Variants in STIMATE observed in about 807,000 individuals in gnomAD.
STIMATE encodes the protein store-operated calcium entry regulator STIMATE.
Under a neutral mutation model 36.7 loss-of-function variants are expected in STIMATE, and 15 were observed. The ratio of observed to expected loss-of-function variants is 0.41; its 90% CI spans 0.27 to 0.63. The LOEUF is 0.63. STIMATE is among the 20% of genes least tolerant of loss of function. The probability of loss-of-function intolerance (pLI) is 0.32; values close to 1 mark genes in which losing one functional copy is unlikely to be tolerated. For missense variants in STIMATE, 305 were observed against 397.3 expected (o/e 0.77, Z 1.98); for synonymous variants, 163 against 162.3 (o/e 1.00, Z -0.03).
At chr3:52,847,561 A>T (rs1262412685) in intron 4 of STIMATE, 1 of 1,289,446 alleles carries the variant, frequency 7.8e-7, no homozygotes, top group African/African-American at 1.5e-5. Flanking sequence ...TCTAGGAACA[A>T]AAGACACATC....
At chr3:52,876,075 C>T (rs564558654) in intron 1 of STIMATE, among the ~76,000 whole-genome samples, 2 of 152,360 alleles carry the variant, frequency 1.3e-5, no homozygotes, top group Admixed American at 1.3e-4. Context: ...GAGAAAGTCT[C>T]ATCACATAAG....
At chr3:52,846,422 G>A (rs993321523) in intron 4 of STIMATE, 4 of 152,240 alleles carry the variant, frequency 2.6e-5, no homozygotes, top group African/African-American at 4.8e-5. Flanking sequence ...TAGGTTTGAG[G>A]ACAGTTGGAC....
rs1578795030 is a variant in STIMATE, at chr3:52,840,363, C to T, written c.*131G>A. On this transcript the variant is annotated 3_prime_UTR_variant, in exon 8 of 8. Coordinates refer to ENST00000355083, the MANE Select transcript of STIMATE (RefSeq NM_198563.5). ...ACAGTAGTCTGGGGGCAGGCGAGAG[C>T]GGGCAGAGACAGCAAGAGGAGCAGA... 13 of 1,062,500 alleles carry T rather than the reference C, an allele frequency of 1.2e-5. No homozygotes were observed. The highest frequency in any genetic ancestry group is 4.8e-5 in the African/African-American group (3 of 63,054). The allele number at this position is 1,062,500 out of a possible 1,614,324, so 65.8% of individuals were successfully genotyped here. A position where few individuals can be genotyped will look rare whatever the true frequency, so the allele number is the denominator to read the frequency against.
intron 1 of STIMATE, among the ~76,000 whole-genome samples, chr3:52,890,299 T>C (rs1043393269): frequency 1.3e-5 from 2 of 152,232 alleles, no homozygotes; most frequent in Non-Finnish European, 2.9e-5. Context: ...GAGATCCTGA[T>C]AGTCCACTGT....
intron 1 of STIMATE, among the ~76,000 whole-genome samples, chr3:52,863,682 C>T (rs1559493966): frequency 1.3e-5 from 2 of 152,190 alleles, no homozygotes; most frequent in South Asian, 2.1e-4. Flanking sequence ...CAAGTTGCTT[C>T]CACCTATGAG....
intron 2 of STIMATE, among the ~76,000 whole-genome samples, chr3:52,854,900 GA>G (rs1701067936): frequency 6.6e-6 from 1 of 152,220 alleles, no homozygotes; most frequent in African/African-American, 2.4e-5. Context: ...GCTGGGGGAA[GA>G]AAACCCTCAT....
chr3:52,843,608 C>T (rs1700844496), intron 6 of STIMATE, 113 bp downstream of exon 6: 1 of 1,475,222 alleles, frequency 6.8e-7, no homozygotes. Flanking sequence ...GGCAAATGGT[C>T]ACGCAAAAAG....
chr3:52,883,135 C>T (rs569142481), intron 1 of STIMATE, among the ~76,000 whole-genome samples: 16 of 152,292 alleles, frequency 1.1e-4, no homozygotes, highest in African/African-American at 2.4e-4. Flanking sequence ...TTTGGAGCCA[C>T]CTACTTTGAG....
intron 1 of STIMATE, among the ~76,000 whole-genome samples, chr3:52,859,365 G>C (rs1701166149): frequency 6.7e-6 from 1 of 148,958 alleles, no homozygotes; most frequent in Non-Finnish European, 1.5e-5. Flanking sequence ...GAATACATAA[G>C]TGACTATTAA....
chr3:52,855,028 G>A (rs966253608), intron 2 of STIMATE, among the ~76,000 whole-genome samples: 16 of 152,176 alleles, frequency 1.1e-4, no homozygotes, highest in Non-Finnish European at 2.2e-4. Flanking sequence ...CCAAATTTAG[G>A]CTAGTTTTTG....
chr3:52,868,820 G>A (rs770724733), intron 1 of STIMATE, among the ~76,000 whole-genome samples: 34 of 152,174 alleles, frequency 2.2e-4, no homozygotes, highest in Admixed American at 6.5e-4. Context: ...AGGTTTTACC[G>A]TGTTGTCTAG....
At chr3:52,889,648 C>T (rs904954626) in intron 1 of STIMATE, among the ~76,000 whole-genome samples, 1 of 152,140 alleles carries the variant, frequency 6.6e-6, no homozygotes, top group Non-Finnish European at 1.5e-5. Context: ...GAGCACGGCA[C>T]GTCTGTCCAC....
chr3:52,885,628 A>G (rs961969983), intron 1 of STIMATE, among the ~76,000 whole-genome samples: 2 of 152,188 alleles, frequency 1.3e-5, no homozygotes, highest in Non-Finnish European at 2.9e-5. Context: ...TCTGTTCATA[A>G]AAAGTCTCGA....
At chr3:52,878,087 C>A (rs1480308494) in intron 1 of STIMATE, among the ~76,000 whole-genome samples, 1 of 149,122 alleles carries the variant, frequency 6.7e-6, no homozygotes, top group African/African-American at 2.5e-5. Context: ...GAGCAAGACT[C>A]CGTCTTAAAA....
At chr3:52,874,783 A>C (rs1701470044) in intron 1 of STIMATE, among the ~76,000 whole-genome samples, 1 of 152,218 alleles carries the variant, frequency 6.6e-6, no homozygotes, top group South Asian at 2.1e-4. Context: ...TGGAGGTTGC[A>C]GTGAGCCAAA....
intron 1 of STIMATE, among the ~76,000 whole-genome samples, chr3:52,879,733 C>T (rs1245959581): frequency 2.6e-5 from 4 of 152,214 alleles, no homozygotes; most frequent in African/African-American, 4.8e-5. Flanking sequence ...GCATGGAAGT[C>T]ATAAAAGGCA....
At chr3:52,843,845 G>C (rs1443721021) in intron 5 of STIMATE, 47 bp from the exon 6 acceptor site, 1 of 1,607,850 alleles carries the variant, frequency 6.2e-7, no homozygotes, top group South Asian at 1.1e-5. Flanking sequence ...GCCACCGAGA[G>C]TGTGCCTGGG....
At chr3:52,855,514 G>C in intron 1 of STIMATE, 70 bp from the exon 2 acceptor site, 1 of 1,604,526 alleles carries the variant, frequency 6.2e-7, no homozygotes, top group Non-Finnish European at 8.5e-7. Flanking sequence ...ATAACAAGCT[G>C]GGTTATCAGT....
intron 4 of STIMATE, chr3:52,846,330 T>A (rs1288399980): frequency 6.6e-6 from 1 of 152,244 alleles, no homozygotes; most frequent in Non-Finnish European, 1.5e-5. Context: ...CCTTTTCCTT[T>A]CGGTAAGTCA....
Sources: gnomAD v4.1 joint callset for allele counts (sites outside exome capture counted in the v4.1 genomes callset) on GRCh38, gnomAD v4.1.1 for gene constraint, MANE v1.5 for transcripts, NCBI Gene and HGNC (gene_info 2026-07-23, HGNC 2026-07-21) for gene names.